Variants in SNX7 observed in about 807,000 individuals in gnomAD.
SNX7 encodes the protein sorting nexin-7.
In SNX7, 35 loss-of-function variants were observed where a neutral mutation model predicts 48.4. The observed-to-expected ratio is 0.72, with a 90% confidence interval of 0.55 to 0.96. The LOEUF (loss-of-function observed/expected upper bound fraction) is 0.96, where lower values mean the gene tolerates loss of function less well. Among genes scored for constraint, SNX7 ranks in the 40% least tolerant of loss-of-function variants. SNX7 has a pLI of 0.00. For synonymous variants in SNX7, 190 were observed against 190.2 expected (o/e 1.00, Z 0.01); for missense variants, 553 against 548.9 (o/e 1.01, Z -0.07).
At chr1:98,662,777 T>C in intron 1 of SNX7, 8 of 1,289,380 alleles carry the variant, frequency 6.2e-6, no homozygotes, top group Non-Finnish European at 8.1e-6. Flanking sequence ...TATTCATTAC[T>C]AAGAAGCCTG....
intron 6 of SNX7, among the ~76,000 whole-genome samples, chr1:98,699,515 A>G (rs1651641536): frequency 6.6e-6 from 1 of 152,164 alleles, no homozygotes; most frequent in Non-Finnish European, 1.5e-5. Context: ...TTTTTCATCC[A>G]GTATTTTTCT....
At chr1:98,717,020 A>C (rs971014101) in intron 7 of SNX7, among the ~76,000 whole-genome samples, 2 of 152,084 alleles carry the variant, frequency 1.3e-5, no homozygotes, top group African/African-American at 2.4e-5. Flanking sequence ...TAAAAAAAAA[A>C]ACTTGGATTT....
chr1:98,723,505 A>G (rs1653000940), intron 7 of SNX7, among the ~76,000 whole-genome samples: 2 of 151,972 alleles, frequency 1.3e-5, no homozygotes, highest in South Asian at 4.1e-4. Flanking sequence ...ACTTTTGCAT[A>G]CCTATTCTAT....
rs181438431 is a variant in SNX7, at chr1:98,718,509, G to A, written c.1125+16606G>A. On this transcript the variant is annotated intron_variant, in intron 7 of 8. Transcript: ENST00000306121. ...GGTACTTCAACATTTCATTCATCCC[G>A]TAAGATATATAGTCTTCAGCTCTAA... 7.2e-5 allele frequency among the ~76,000 whole-genome samples: 11 copies of A among 152,022 alleles called. No individual in the cohort carries two copies. The East Asian group carries it at 1.2e-3, about 16-fold the overall frequency.
At chr1:98,750,247 T>TCA (rs1228285078) in intron 8 of SNX7, among the ~76,000 whole-genome samples, 1 of 152,058 alleles carries the variant, frequency 6.6e-6, no homozygotes, top group Non-Finnish European at 1.5e-5. Flanking sequence ...GCTGTTTCTG[T>TCA]CAACAGTGTG....
At chr1:98,746,940 A>G (rs1476716775) in intron 8 of SNX7, among the ~76,000 whole-genome samples, 1 of 152,094 alleles carries the variant, frequency 6.6e-6, no homozygotes, top group African/African-American at 2.4e-5. Context: ...ATGGAGAATG[A>G]TAATATGCTT....
chr1:98,666,751 G>A (rs1334103823), intron 1 of SNX7, among the ~76,000 whole-genome samples: 1 of 152,170 alleles, frequency 6.6e-6, no homozygotes, highest in Non-Finnish European at 1.5e-5. Context: ...TATGGTGGAA[G>A]TGATGCTGTG....
intron 1 of SNX7, among the ~76,000 whole-genome samples, chr1:98,667,863 T>A (rs1286085920): frequency 6.6e-6 from 1 of 151,262 alleles, no homozygotes; most frequent in Non-Finnish European, 1.5e-5. Flanking sequence ...CCCTAAGGCC[T>A]ACATCCTGAT....
intron 1 of SNX7, among the ~76,000 whole-genome samples, chr1:98,681,688 C>T (rs1003317291): frequency 6.6e-6 from 1 of 152,120 alleles, no homozygotes; most frequent in African/African-American, 2.4e-5. Context: ...AGAGATATAA[C>T]AGTTAAATGT....
At chr1:98,727,474 A>C (rs1228815617) in intron 7 of SNX7, among the ~76,000 whole-genome samples, 2 of 152,100 alleles carry the variant, frequency 1.3e-5, no homozygotes, top group Non-Finnish European at 2.9e-5. Flanking sequence ...TTCTCCTCCA[A>C]ATGATCACAG....
At chr1:98,680,146 A>G (rs1255734846) in intron 1 of SNX7, among the ~76,000 whole-genome samples, 4 of 152,120 alleles carry the variant, frequency 2.6e-5, no homozygotes, top group African/African-American at 9.7e-5. Flanking sequence ...ACTTTGGTGC[A>G]TTGTCTGTCC....
rs1651586714 is a variant in SNX7 at position 98,698,684 on chromosome 1, TTAAG to T, written c.839-20_839-17del. 6.3e-7 allele frequency: 1 copy of T among 1,588,080 alleles called. No homozygotes were observed. Among genetic ancestry groups the T allele is most frequent in the Non-Finnish European group, 8.6e-7 (1 of 1,163,364 alleles). On this transcript the variant is annotated intron_variant, in intron 5 of 8. Coordinates refer to ENST00000306121, the MANE Select transcript of SNX7 (RefSeq NM_015976.5). ...AAACTTTTGTTTATTGAAGAGCTTA[TTAAG>T]TCTTTTTTTTTTTTTAGAATATTTT... is the stretch of plus-strand genomic sequence containing the variant.
chr1:98,708,579 G>C (rs1329495741), intron 7 of SNX7, among the ~76,000 whole-genome samples: 2 of 151,960 alleles, frequency 1.3e-5, no homozygotes, highest in African/African-American at 4.8e-5. Flanking sequence ...TAGTGGGTTT[G>C]CACACACACA....
intron 7 of SNX7, among the ~76,000 whole-genome samples, chr1:98,724,503 A>T (rs1570574004): frequency 6.6e-6 from 1 of 152,188 alleles, no homozygotes; most frequent in Non-Finnish European, 1.5e-5. Context: ...AGCAGACCTC[A>T]TAAGATGTTT....
In SNX7 at chr1:98,691,114, A is replaced by G. The variant is rs766324118; in HGVS notation, c.403A>G (p.Arg135Gly). The G allele has an allele frequency of 1.2e-6, 2 of 1,609,378 alleles. No individual in the cohort carries two copies. The highest frequency in any genetic ancestry group is 1.7e-6 in the Non-Finnish European group (2 of 1,177,314). ...ATTTGACTCCAGTGAATTTGAAGTT[A>G]GGAGACGATATCAAGATTTCCTTTG... is the stretch of plus-strand genomic sequence containing the variant. ...GEFDSSEFEVRRRYQDFLWLK... is the reference protein window; with the variant it reads ...GEFDSSEFEVGRRYQDFLWLK... The change falls in exon 3 of 9, where the codon AGG becomes GGG. Residue 135 changes from arginine (R) to glycine (G), a missense_variant. Arg to Gly is a moderately radical substitution (Grantham distance 125). Transcript: ENST00000306121.
At chr1:98,726,020 T>C (rs1389003879) in intron 7 of SNX7, among the ~76,000 whole-genome samples, 21 of 152,222 alleles carry the variant, frequency 1.4e-4, no homozygotes, top group Admixed American at 1.4e-3. Context: ...GGTCCTCAGT[T>C]CCTTAACACA....
chr1:98,701,810 T>A lies in SNX7; in HGVS notation c.1039-7T>A. 1 of 1,596,474 alleles carries A rather than the reference T, an allele frequency of 6.3e-7. No homozygotes were observed. The highest frequency in any genetic ancestry group is 8.6e-7 in the Non-Finnish European group (1 of 1,169,516). On this transcript the variant is annotated splice_polypyrimidine_tract_variant and splice_region_variant and intron_variant, in intron 6 of 8. Transcript: ENST00000306121. ...AGCCTATTTTATCTGTGTGTTTTAA[T>A]GTAAAGGGTGTTATGAAAAGAAGAG...
At chr1:98,678,393 A>T (rs978943871) in intron 1 of SNX7, among the ~76,000 whole-genome samples, 8 of 152,206 alleles carry the variant, frequency 5.3e-5, no homozygotes, top group African/African-American at 1.9e-4. Context: ...TGGGGGTCAC[A>T]TTTCAACATG....
chr1:98,686,362 C>T (rs1650798154), intron 2 of SNX7, among the ~76,000 whole-genome samples: 3 of 152,102 alleles, frequency 2.0e-5, no homozygotes. Context: ...GAACTCACTT[C>T]TGTAGGGTTG....
Sources: allele counts gnomAD v4.1 joint callset (sites outside exome capture counted in the v4.1 genomes callset), GRCh38; gene constraint gnomAD v4.1.1; transcripts MANE v1.5; gene names NCBI Gene and HGNC (gene_info 2026-07-23, HGNC 2026-07-21).